The following PLPP4 variants were observed in gnomAD, a reference collection of about 807,000 sequenced individuals.
PLPP4 encodes the protein diacylglycerol pyrophosphate like 2.
A neutral mutation model predicts 32.2 loss-of-function variants in PLPP4; 20 were observed. That is an observed-to-expected ratio of 0.62 (90% CI 0.44 to 0.90). The LOEUF is 0.90. Ranked by LOEUF, PLPP4 falls within the 40% of genes least tolerant of loss-of-function variation. The pLI is 0.00. For synonymous variants in PLPP4, 127 were observed against 133.0 expected (o/e 0.95, Z 0.31); for missense variants, 257 against 353.1 (o/e 0.73, Z 2.18).
At position 120,590,873 on chromosome 10, in the gene PLPP4, A is replaced by G. The variant is rs1849972195; in HGVS notation, c.*1371A>G. On this transcript the variant is annotated 3_prime_UTR_variant, in exon 7 of 7. Coordinates refer to ENST00000398250, the MANE Select transcript of PLPP4 (RefSeq NM_001030059.3). ...CAACCTTTGCCTCTGGGTTCAAGCT[A>G]TTCTCGTGCCTCAGCCTCCCAAGTA... Among the ~76,000 whole-genome samples, 1 of 148,746 alleles carries G rather than the reference A, an allele frequency of 6.7e-6. No individual in the cohort carries two copies. Among genetic ancestry groups the G allele is most frequent in the African/African-American group, 2.5e-5 (1 of 40,072 alleles).
intron 2 of PLPP4, among the ~76,000 whole-genome samples, chr10:120,506,658 A>T (rs955536169): frequency 6.6e-6 from 1 of 152,346 alleles, no homozygotes; most frequent in East Asian, 1.9e-4. Flanking sequence ...TTCTAGAGTC[A>T]TCTGTGTGCA....
chr10:120,575,613 G>C (rs1465331411), intron 6 of PLPP4, among the ~76,000 whole-genome samples: 1 of 152,182 alleles, frequency 6.6e-6, no homozygotes, highest in East Asian at 1.9e-4. Context: ...TTTTCCTGCT[G>C]GATCACTTGC....
chr10:120,510,312 C>T (rs1352603601), intron 2 of PLPP4, among the ~76,000 whole-genome samples: 2 of 152,158 alleles, frequency 1.3e-5, no homozygotes, highest in African/African-American at 4.8e-5. Flanking sequence ...TCTCAGGTCT[C>T]AGTTAATAAG....
chr10:120,514,105 C>A, intron 3 of PLPP4, 104 bp downstream of exon 3: 1 of 889,690 alleles, frequency 1.1e-6, no homozygotes, highest in South Asian at 1.4e-5. Flanking sequence ...TTCTTTTGGT[C>A]AAATTAAGCT....
At chr10:120,486,416 G>A (rs887250480) in intron 1 of PLPP4, among the ~76,000 whole-genome samples, 2 of 152,118 alleles carry the variant, frequency 1.3e-5, no homozygotes, top group Non-Finnish European at 2.9e-5. Flanking sequence ...TCACTCAGGT[G>A]TGGCTCTGAA....
chr10:120,581,066 G>C lies in PLPP4; in HGVS notation c.616+5765G>C, dbSNP rs142591049. 4 of 1,280,750 alleles carry C rather than the reference G, an allele frequency of 3.1e-6. No homozygotes were observed. The East Asian group carries it at 1.7e-4, about 54-fold the overall frequency. The allele number at this position is 1,280,750 out of a possible 1,614,324, so 79.3% of individuals were successfully genotyped here. On this transcript the variant is annotated intron_variant, in intron 6 of 6. Coordinates refer to ENST00000398250, the MANE Select transcript of PLPP4 (RefSeq NM_001030059.3). ...CAGCCCCTGGCTCACCCCTCCCTCC[G>C]GTCAAAGTCCACTGCATATCCTGCT...
At chr10:120,553,122 A>G (rs1847986056) in intron 5 of PLPP4, among the ~76,000 whole-genome samples, 1 of 152,232 alleles carries the variant, frequency 6.6e-6, no homozygotes, top group African/African-American at 2.4e-5. Context: ...GATGCTTTCA[A>G]ACACCTATTT....
chr10:120,564,143 A>G (rs950303522), intron 5 of PLPP4, among the ~76,000 whole-genome samples: 2 of 152,106 alleles, frequency 1.3e-5, no homozygotes, highest in African/African-American at 4.8e-5. Flanking sequence ...TGCATTAGCT[A>G]TATTCTATAA....
At chr10:120,535,787 C>A (rs1210454864) in intron 5 of PLPP4, among the ~76,000 whole-genome samples, 2 of 152,002 alleles carry the variant, frequency 1.3e-5, no homozygotes, top group African/African-American at 4.8e-5. Context: ...AATTGTGAAA[C>A]CTTTTAATAA....
At chr10:120,462,820 G>A (rs1848118796) in intron 1 of PLPP4, among the ~76,000 whole-genome samples, 1 of 152,110 alleles carries the variant, frequency 6.6e-6, no homozygotes, top group Non-Finnish European at 1.5e-5. Flanking sequence ...TCTAGCGAAT[G>A]GATGGCAGCA....
At chr10:120,502,724 G>C (rs1001907758) in intron 1 of PLPP4, among the ~76,000 whole-genome samples, 1 of 152,208 alleles carries the variant, frequency 6.6e-6, no homozygotes, top group Non-Finnish European at 1.5e-5. Flanking sequence ...TGGAGACTGG[G>C]ACGGCTTTAG....
At chr10:120,569,301 TCCCA>T (rs34015119) in intron 5 of PLPP4, among the ~76,000 whole-genome samples, 5,030 of 151,976 alleles carry the variant, frequency 0.033, 90 homozygotes, top group Middle Eastern at 0.14. Context: ...ATCTGCCCAT[TCCCA>T]GGATCAGTGC....
intron 5 of PLPP4, among the ~76,000 whole-genome samples, chr10:120,572,426 AT>A: frequency 6.6e-6 from 1 of 152,298 alleles, no homozygotes; most frequent in Non-Finnish European, 1.5e-5. Flanking sequence ...TCTCCAAGTC[AT>A]TTTTTATGGG....
intron 1 of PLPP4, among the ~76,000 whole-genome samples, chr10:120,501,445 C>T (rs1845245822): frequency 6.6e-6 from 1 of 152,172 alleles, no homozygotes; most frequent in Admixed American, 6.5e-5. Context: ...ATTTTTGTTT[C>T]TCTTCTGTCA....
Position 120,535,460 on chromosome 10 carries a change from A to G in PLPP4, c.445+14365A>G, listed in dbSNP as rs373052437. The stretch of plus-strand genomic sequence containing the variant: ...GTTGGGTGTTGCATTCCATGTGTCA[A>G]TTACTTAAGATGATGTTGTTCAGAG... On this transcript the variant is annotated intron_variant, in intron 5 of 6. Coordinates refer to ENST00000398250, the MANE Select transcript of PLPP4 (RefSeq NM_001030059.3). Among the ~76,000 whole-genome samples, 38 of 152,152 alleles carry G rather than the reference A, an allele frequency of 2.5e-4. 1 individual carries two copies. The South Asian group carries it at 4.2e-3, about 17-fold the overall frequency.
intron 5 of PLPP4, among the ~76,000 whole-genome samples, chr10:120,530,756 G>T (rs529720205): frequency 3.5e-4 from 54 of 152,310 alleles, no homozygotes; most frequent in African/African-American, 1.1e-3. Context: ...GCTTGTGTCA[G>T]TTGGCATTCT....
intron 5 of PLPP4, among the ~76,000 whole-genome samples, chr10:120,550,516 C>A (rs549943930): frequency 6.6e-6 from 1 of 151,912 alleles, no homozygotes; most frequent in South Asian, 2.1e-4. Flanking sequence ...ACTGACAGTA[C>A]CCAATTTCAA....
intron 1 of PLPP4, among the ~76,000 whole-genome samples, chr10:120,489,431 C>T (rs979934670): frequency 6.6e-6 from 1 of 152,134 alleles, no homozygotes; most frequent in African/African-American, 2.4e-5. Flanking sequence ...GTTAAATACC[C>T]GCTACTCCCC....
At chr10:120,469,480 G>A (rs892822145) in intron 1 of PLPP4, among the ~76,000 whole-genome samples, 6 of 152,226 alleles carry the variant, frequency 3.9e-5, no homozygotes, top group African/African-American at 1.4e-4. Flanking sequence ...GCCCACCTGG[G>A]GCTCCTAAAG....
Sources: gnomAD v4.1 joint callset for allele counts (sites outside exome capture counted in the v4.1 genomes callset) on GRCh38, gnomAD v4.1.1 for gene constraint, MANE v1.5 for transcripts, NCBI Gene and HGNC (gene_info 2026-07-23, HGNC 2026-07-21) for gene names.